Variants in CAMK1D observed in about 807,000 individuals in gnomAD.
CAMK1D encodes calcium/calmodulin-dependent protein kinase type 1D.
Under a neutral mutation model 47.7 loss-of-function variants are expected in CAMK1D, and 9 were observed. The ratio of observed to expected loss-of-function variants is 0.19; its 90% confidence interval spans 0.11 to 0.33. The LOEUF (loss-of-function observed/expected upper bound fraction) is 0.33. Ranked by LOEUF, CAMK1D falls within the 10% of genes least tolerant of loss-of-function variation. CAMK1D has a pLI of 1.00. For synonymous variants in CAMK1D, 184 were observed against 184.9 expected (o/e 0.99, Z 0.04); for missense variants, 291 against 488.7 (o/e 0.60, Z 3.81).
chr10:12,403,729 T>G (rs967597921), intron 1 of CAMK1D, among the ~76,000 whole-genome samples: 7 of 152,196 alleles, frequency 4.6e-5, no homozygotes, highest in African/African-American at 7.2e-5. Flanking sequence ...AATAATTTTA[T>G]TAATAATAAT....
chr10:12,678,943 A>C (rs553554011), intron 3 of CAMK1D, among the ~76,000 whole-genome samples: 1 of 152,080 alleles, frequency 6.6e-6, no homozygotes, highest in Non-Finnish European at 1.5e-5. Context: ...TTGTATTTTT[A>C]GTAGAGACAG....
chr10:12,759,955 T>A (rs1346390911), intron 3 of CAMK1D, among the ~76,000 whole-genome samples: 1 of 152,258 alleles, frequency 6.6e-6, no homozygotes, highest in African/African-American at 2.4e-5. Context: ...AGTTGCTTTT[T>A]GATTTTAGCA....
chr10:12,625,909 A>T (rs762326692), intron 2 of CAMK1D, among the ~76,000 whole-genome samples: 2 of 152,192 alleles, frequency 1.3e-5, no homozygotes, highest in Non-Finnish European at 1.5e-5. Flanking sequence ...GACCTGTAGG[A>T]TCTGTAGAAA....
intron 1 of CAMK1D, among the ~76,000 whole-genome samples, chr10:12,480,004 T>G (rs1536530): frequency 0.055 from 8,370 of 152,240 alleles, 623 homozygotes; most frequent in East Asian, 0.41. Context: ...CCCTTCATTG[T>G]TGGGGCCCTG....
chr10:12,638,665 T>C (rs1217666474), intron 2 of CAMK1D, among the ~76,000 whole-genome samples: 1 of 152,128 alleles, frequency 6.6e-6, no homozygotes, highest in East Asian at 1.9e-4. Flanking sequence ...TCCTTAGACA[T>C]CCTGAGGGTT....
intron 1 of CAMK1D, among the ~76,000 whole-genome samples, chr10:12,370,003 TTTA>T (rs1837959383): frequency 1.3e-5 from 2 of 150,496 alleles, no homozygotes; most frequent in South Asian, 2.1e-4. Flanking sequence ...ATTAAATTAT[TTTA>T]TTATTTATTA....
intron 1 of CAMK1D, among the ~76,000 whole-genome samples, chr10:12,469,199 C>A (rs1009438264): frequency 6.6e-6 from 1 of 152,042 alleles, no homozygotes; most frequent in Non-Finnish European, 1.5e-5. Context: ...CTTAAAGGGT[C>A]TCCTCTGAAT....
chr10:12,786,653 G>C (rs1343454258), intron 5 of CAMK1D, among the ~76,000 whole-genome samples: 1 of 152,204 alleles, frequency 6.6e-6, no homozygotes, highest in African/African-American at 2.4e-5. Flanking sequence ...CCAACTCTGG[G>C]CTCAAGTGAT....
intron 1 of CAMK1D, among the ~76,000 whole-genome samples, chr10:12,435,133 G>A (rs530588757): frequency 1.0e-4 from 15 of 146,278 alleles, no homozygotes; most frequent in African/African-American, 3.8e-4. Flanking sequence ...TGAGGCAGGA[G>A]AATGGCTTGA....
intron 1 of CAMK1D, among the ~76,000 whole-genome samples, chr10:12,473,932 T>G (rs906284591): frequency 6.6e-6 from 1 of 152,184 alleles, no homozygotes; most frequent in African/African-American, 2.4e-5. Context: ...CTTACAATTG[T>G]GAGTACTGAA....
intron 3 of CAMK1D, chr10:12,760,640 T>C: frequency 4.4e-6 from 1 of 228,012 alleles, no homozygotes. Context: ...GACGCTGGTA[T>C]TCAGGAAGGG....
chr10:12,675,754 T>C (rs953228134), intron 3 of CAMK1D, among the ~76,000 whole-genome samples: 1 of 152,214 alleles, frequency 6.6e-6, no homozygotes, highest in Non-Finnish European at 1.5e-5. Flanking sequence ...AAAGTCATTA[T>C]GGTGGCCTCC....
intron 1 of CAMK1D, among the ~76,000 whole-genome samples, chr10:12,399,719 G>C (rs1839104747): frequency 6.6e-6 from 1 of 152,160 alleles, no homozygotes. Context: ...TCACTAAAAT[G>C]TATTTGCATT....
intron 1 of CAMK1D, among the ~76,000 whole-genome samples, chr10:12,526,546 C>T (rs1241678470): frequency 6.6e-6 from 1 of 152,120 alleles, no homozygotes; most frequent in African/African-American, 2.4e-5. Flanking sequence ...CCTCCCACAC[C>T]ACATACGTGA....
chr10:12,755,300 A>C (rs565731052), intron 3 of CAMK1D, among the ~76,000 whole-genome samples: 10 of 152,308 alleles, frequency 6.6e-5, no homozygotes, highest in African/African-American at 2.4e-4. Flanking sequence ...TATAGGCACC[A>C]GTGTGGGATG....
chr10:12,483,835 C>T (rs983512822), intron 1 of CAMK1D, among the ~76,000 whole-genome samples: 22 of 152,128 alleles, frequency 1.4e-4, no homozygotes, highest in Non-Finnish European at 1.5e-5. Flanking sequence ...TACAGGCGTG[C>T]ACCACCATGA....
intron 5 of CAMK1D, among the ~76,000 whole-genome samples, chr10:12,784,594 G>C (rs1241060722): frequency 6.6e-6 from 1 of 152,218 alleles, no homozygotes; most frequent in Non-Finnish European, 1.5e-5. Flanking sequence ...CAAAGTTCCT[G>C]TCTGAAATCA....
At chr10:12,735,440 T>G (rs968006700) in intron 3 of CAMK1D, among the ~76,000 whole-genome samples, 1 of 152,062 alleles carries the variant, frequency 6.6e-6, no homozygotes, top group African/African-American at 2.4e-5. Flanking sequence ...ATTGCGCCAC[T>G]GCACTCCAGC....
chr10:12,493,171 G>A (rs778678791), intron 1 of CAMK1D, among the ~76,000 whole-genome samples: 20 of 152,310 alleles, frequency 1.3e-4, no homozygotes, highest in Non-Finnish European at 1.9e-4. Context: ...TGTCCCTCAG[G>A]CTACCCCAGG....
Sources: allele counts gnomAD v4.1 joint callset (sites outside exome capture counted in the v4.1 genomes callset), GRCh38; gene constraint gnomAD v4.1.1; transcripts MANE v1.5; gene names NCBI Gene and HGNC (gene_info 2026-07-23, HGNC 2026-07-21).